ITPR1: variants seen among roughly 807,000 people sequenced by gnomAD.
ITPR1 encodes inositol 1,4,5-trisphosphate-gated calcium channel ITPR1.
Under a neutral mutation model 318.4 loss-of-function variants are expected in ITPR1, and 96 were observed. That is an observed-to-expected ratio of 0.30 (90% confidence interval 0.26 to 0.36). The LOEUF is 0.36. Ranked by LOEUF, ITPR1 falls within the 10% of genes least tolerant of loss-of-function variation. The probability of loss-of-function intolerance (pLI) is 1.00; values close to 1 mark genes in which losing one functional copy is unlikely to be tolerated. For missense variants in ITPR1, 2,440 were observed against 3,460.2 expected (o/e 0.71, Z 7.40); for synonymous variants, 1,312 against 1,289.9 (o/e 1.02, Z -0.37).
intron 2 of ITPR1, among the ~76,000 whole-genome samples, chr3:4,511,787 G>C (rs562255895): frequency 6.6e-6 from 1 of 152,324 alleles, no homozygotes; most frequent in East Asian, 1.9e-4. Context: ...GCCATGGGCT[G>C]AGAGGTGCTT....
intron 4 of ITPR1, among the ~76,000 whole-genome samples, chr3:4,570,692 T>C (rs377270123): frequency 6.6e-6 from 1 of 152,216 alleles, no homozygotes; most frequent in African/African-American, 2.4e-5. Context: ...AGATTTTTCT[T>C]AAAGCTCCCT....
chr3:4,598,771 A>G (rs185696136), intron 4 of ITPR1, among the ~76,000 whole-genome samples: 11 of 152,376 alleles, frequency 7.2e-5, no homozygotes, highest in Admixed American at 1.3e-4. Flanking sequence ...TTCCAAAATT[A>G]TACCTAAAAA....
chr3:4,683,567 C>A lies in ITPR1; in HGVS notation c.3327+16C>A, dbSNP rs758873317. On this transcript the variant is annotated intron_variant, in intron 27 of 61. Coordinates refer to ENST00000649015, the MANE Select transcript of ITPR1 (RefSeq NM_001378452.1). Reference sequence around the variant, plus strand: ...CTTCAAACAGGTAGCTCAGGTCACCCACGTGTGTGTTGTCTGTCCAAGAAG... The same window carrying A: ...CTTCAAACAGGTAGCTCAGGTCACCAACGTGTGTGTTGTCTGTCCAAGAAG... The A allele has an allele frequency of 1.2e-5, 20 of 1,613,550 alleles. No homozygotes were observed. Among genetic ancestry groups the A allele is most frequent in the Non-Finnish European group, 1.7e-5 (20 of 1,179,554 alleles).
chr3:4,541,629 C>A (rs1250627163), intron 4 of ITPR1, among the ~76,000 whole-genome samples: 2 of 151,562 alleles, frequency 1.3e-5, no homozygotes, highest in African/African-American at 4.9e-5. Flanking sequence ...TATTCAAATA[C>A]CACTTTTTTT....
intron 31 of ITPR1, 141 bp downstream of exon 31, chr3:4,688,761 A>G: frequency 1.2e-6 from 1 of 806,262 alleles, no homozygotes; most frequent in South Asian, 2.0e-5. Flanking sequence ...CATTTTCATC[A>G]CTTATCACGA....
At chr3:4,533,691 T>A (rs559922061) in intron 4 of ITPR1, among the ~76,000 whole-genome samples, 1 of 152,340 alleles carries the variant, frequency 6.6e-6, no homozygotes, top group South Asian at 2.1e-4. Context: ...CCAGGCAGAC[T>A]TTAGCCTTCC....
chr3:4,812,039 CTT>C (rs9311415), intron 56 of ITPR1, among the ~76,000 whole-genome samples: 46,572 of 137,618 alleles, frequency 0.34, 7,611 homozygotes, highest in East Asian at 0.38. Flanking sequence ...ACATGTATGT[CTT>C]TTTTTTTTTT....
intron 2 of ITPR1, among the ~76,000 whole-genome samples, chr3:4,510,875 G>A (rs1156922286): frequency 2.6e-5 from 4 of 152,172 alleles, no homozygotes; most frequent in Admixed American, 1.3e-4. Flanking sequence ...GCAAGGGGTG[G>A]GGTAGGGACG....
At chr3:4,598,038 C>T (rs747118660) in intron 4 of ITPR1, among the ~76,000 whole-genome samples, 2 of 152,208 alleles carry the variant, frequency 1.3e-5, no homozygotes, top group Non-Finnish European at 1.5e-5. Flanking sequence ...CTGAGTCTTC[C>T]GTTTCCTGCG....
intron 4 of ITPR1, among the ~76,000 whole-genome samples, chr3:4,559,862 C>T (rs930378970): frequency 1.6e-4 from 25 of 152,140 alleles, no homozygotes; most frequent in African/African-American, 5.1e-4. Flanking sequence ...TTTCTAATAC[C>T]CTTAATCACT....
At chr3:4,761,275 A>AGTG (rs2045426273) in intron 44 of ITPR1, among the ~76,000 whole-genome samples, 2 of 152,096 alleles carry the variant, frequency 1.3e-5, no homozygotes, top group Admixed American at 1.3e-4. Context: ...GCCCCCGCCC[A>AGTG]GGCACTCCCC....
chr3:4,623,095 C>T (rs1280260234), intron 4 of ITPR1, among the ~76,000 whole-genome samples: 1 of 152,228 alleles, frequency 6.6e-6, no homozygotes, highest in Non-Finnish European at 1.5e-5. Context: ...CTGCCCCAAC[C>T]CAGAGTGCTG....
intron 44 of ITPR1, among the ~76,000 whole-genome samples, chr3:4,757,568 A>G (rs1337934998): frequency 6.6e-6 from 1 of 152,154 alleles, no homozygotes; most frequent in Non-Finnish European, 1.5e-5. Context: ...GTGGTTGGGA[A>G]CAGGGCTGAG....
At chr3:4,500,101 T>C (rs1002503728) in intron 2 of ITPR1, among the ~76,000 whole-genome samples, 1 of 152,364 alleles carries the variant, frequency 6.6e-6, no homozygotes, top group African/African-American at 2.4e-5. Flanking sequence ...TTGATTTCTG[T>C]ATAACAAGAT....
At chr3:4,515,720 A>G (rs1007335341) in intron 2 of ITPR1, among the ~76,000 whole-genome samples, 1 of 152,188 alleles carries the variant, frequency 6.6e-6, no homozygotes, top group Non-Finnish European at 1.5e-5. Context: ...CTGAGACTTA[A>G]GAGCTTTTTC....
At chr3:4,514,677 G>A (rs1020963631) in intron 2 of ITPR1, among the ~76,000 whole-genome samples, 2 of 152,210 alleles carry the variant, frequency 1.3e-5, no homozygotes, top group South Asian at 4.2e-4. Flanking sequence ...GTGTCCTTTC[G>A]GGATGCCAGG....
intron 10 of ITPR1, among the ~76,000 whole-genome samples, chr3:4,650,605 T>TTGTGTG (rs752768399): frequency 0.14 from 18,713 of 132,866 alleles, 2,098 homozygotes; most frequent in South Asian, 0.26. Context: ...TGATATGCCT[T>TTGTGTG]AGTGTGTGTG....
chr3:4,674,337 G>A lies in ITPR1; in HGVS notation c.2592G>A (p.Thr864=), dbSNP rs769157001. 1.6e-5 allele frequency: 26 copies of A among 1,606,002 alleles called. No homozygotes were observed. Among genetic ancestry groups the A allele is most frequent in the Non-Finnish European group, 2.0e-5 (24 of 1,176,276 alleles). Residue 864 remains threonine, a synonymous_variant, in exon 22 of 62, where the codon ACG becomes ACA. Transcript: ENST00000649015. ...PFSDKEKNKL[T]FEVVNLARNL... is the part of the protein sequence containing the mutation. ...CTGATAAAGAGAAGAATAAGCTTAC[G>A]TTTGAGGTAACTCATGATGAAATCT...
chr3:4,691,252 G>C lies in ITPR1; in HGVS notation c.3937G>C (p.Gly1313Arg), dbSNP rs774354674. ...QHFVHCIETHGRNVQYIKFLQ... is the reference protein window; with the variant it reads ...QHFVHCIETHRRNVQYIKFLQ... Reference sequence around the variant, plus strand: ...CTTCGTTCACTGCATAGAGACTCACGGTCGGAATGTCCAGTATATAAAGTT... The same window carrying C: ...CTTCGTTCACTGCATAGAGACTCACCGTCGGAATGTCCAGTATATAAAGTT... Residue 1313 changes from glycine (G) to arginine (R), a missense_variant, in exon 32 of 62, where the codon GGT becomes CGT. By Grantham distance (125) the Gly-to-Arg change is moderately radical. Around this residue, in one of 23 missense-constraint regions of ITPR1, gnomAD observed 222 missense variants for 318.8 expected, o/e 0.70. Coordinates refer to ENST00000649015, the MANE Select transcript of ITPR1 (RefSeq NM_001378452.1). 3.7e-6 allele frequency: 6 copies of C among 1,612,992 alleles called. No homozygotes were observed. Among genetic ancestry groups the C allele is most frequent in the Non-Finnish European group, 4.2e-6 (5 of 1,179,150 alleles).
Sources: allele counts gnomAD v4.1 joint callset (sites outside exome capture counted in the v4.1 genomes callset), GRCh38; gene constraint gnomAD v4.1.1; regional missense constraint gnomAD v4.1.1; transcripts MANE v1.5; gene names NCBI Gene and HGNC (gene_info 2026-07-23, HGNC 2026-07-21).